Variants in ADAMTS14 observed in about 807,000 individuals in gnomAD.
ADAMTS14 encodes ADAM metallopeptidase with thrombospondin type 1 motif 14.
In ADAMTS14, 100 loss-of-function variants were observed where a neutral mutation model predicts 128.6. The observed-to-expected ratio is 0.78, with a 90% CI of 0.66 to 0.92. ADAMTS14 has a LOEUF of 0.92. Among genes scored for constraint, ADAMTS14 ranks in the 40% least tolerant of loss-of-function variants. The probability of loss-of-function intolerance (pLI) is 0.00; values close to 1 mark genes in which losing one functional copy is unlikely to be tolerated. For synonymous variants in ADAMTS14, 665 were observed against 653.8 expected, an observed-to-expected ratio of 1.02 and a Z score of -0.26; for missense variants, 1,562 against 1,658.6, an observed-to-expected ratio of 0.94 and a Z score of 1.01.
At chr10:70,725,538 T>A (rs919431764) in intron 4 of ADAMTS14, among the ~76,000 whole-genome samples, 1 of 152,146 alleles carries the variant, frequency 6.6e-6, no homozygotes, top group Non-Finnish European at 1.5e-5. Context: ...CACTTTCTGG[T>A]TCATAGATGG....
rs1253902432 is a variant in ADAMTS14 at position 70,743,631 on chromosome 10, C to T, written c.2008C>T (p.Arg670Cys). Reference protein sequence around the residue: ...FMNQVVHDGTRCSYRDPYSVC... With the variant: ...FMNQVVHDGTCCSYRDPYSVC... ...GAACCAGGTGGTTCACGATGGGACA[C>T]GCTGCAGCTACCGGGACCCATACAG... Residue 670 changes from arginine (R) to cysteine (C), a missense_variant, in exon 13 of 22, where the codon CGC becomes TGC. By Grantham distance (180) the Arg-to-Cys change is radical. Coordinates refer to ENST00000373207, the MANE Select transcript of ADAMTS14 (RefSeq NM_080722.4). 1.2e-5 allele frequency: 20 copies of T among 1,611,556 alleles called. No homozygotes were observed. Among genetic ancestry groups the T allele is most frequent in the Non-Finnish European group, 1.6e-5 (19 of 1,179,214 alleles).
intron 12 of ADAMTS14, 96 bp downstream of exon 12, chr10:70,741,258 T>G: frequency 3.5e-6 from 5 of 1,426,730 alleles, no homozygotes; most frequent in Non-Finnish European, 4.7e-6. Flanking sequence ...CATACACCAG[T>G]GAAGGTGGAG....
At chr10:70,744,333 GC>G in intron 14 of ADAMTS14, 144 bp downstream of exon 14, 1 of 1,190,332 alleles carries the variant, frequency 8.4e-7, no homozygotes, top group South Asian at 2.3e-5. Flanking sequence ...TTCCTGGGCT[GC>G]CCAGGCTGGT....
In ADAMTS14 at chr10:70,753,852, G is replaced by A. The variant is rs563924526; in HGVS notation, c.2782G>A (p.Val928Met). ...CAGCCGGAGCTGTGGGAAGCTGGGG[G>A]TGCAGACACGGGGGATACAGTGCCT... ...ACSRSCGKLG[V>M]QTRGIQCLLP... is the part of the protein sequence containing the mutation. Residue 928 changes from valine to methionine, a missense_variant, in exon 19 of 22, where the codon GTG becomes ATG. Coordinates refer to ENST00000373207, the MANE Select transcript of ADAMTS14 (RefSeq NM_080722.4). The A allele has an allele frequency of 1.9e-6, 3 of 1,593,932 alleles. No homozygotes were observed. Among genetic ancestry groups the A allele is most frequent in the Non-Finnish European group, 2.6e-6 (3 of 1,171,544 alleles).
At chr10:70,700,122 C>T (rs1038343616) in intron 2 of ADAMTS14, among the ~76,000 whole-genome samples, 9 of 152,020 alleles carry the variant, frequency 5.9e-5, no homozygotes, top group South Asian at 4.1e-4. Context: ...AGGTGTGTCC[C>T]GGGCCTGGAG....
At chr10:70,734,068 T>A (rs775835713) in intron 8 of ADAMTS14, 40 bp downstream of exon 8, 67 of 1,591,774 alleles carry the variant, frequency 4.2e-5, no homozygotes, top group Non-Finnish European at 5.6e-5. Context: ...TAGGGGAGCA[T>A]GCGACCTGCC....
rs903766256 is a variant in ADAMTS14, at chr10:70,753,457, G to C, written c.2730-343G>C. 4.6e-5 allele frequency among the ~76,000 whole-genome samples: 7 copies of C among 152,206 alleles called. 1 individual carries two copies. The highest frequency in any genetic ancestry group is 1.0e-4 in the Non-Finnish European group (7 of 68,026). On this transcript the variant is annotated intron_variant, in intron 18 of 21. Coordinates refer to ENST00000373207, the MANE Select transcript of ADAMTS14 (RefSeq NM_080722.4). Reference sequence around the variant, plus strand: ...ACCCAGGACAGTGCTTGCGCCAGTGGGCCCTCAAATATGTATGCGGCTTTG... The same window carrying C: ...ACCCAGGACAGTGCTTGCGCCAGTGCGCCCTCAAATATGTATGCGGCTTTG...
rs74797959 is a variant in ADAMTS14 at position 70,702,363 on chromosome 10, C to T, written c.574C>T (p.Arg192Trp). The change falls in exon 3 of 22, where the codon CGG becomes TGG. Residue 192 changes from arginine (R) to tryptophan (W), a missense_variant. Physicochemically the swap from Arg to Trp is moderately radical, Grantham distance 101. Coordinates refer to ENST00000373207, the MANE Select transcript of ADAMTS14 (RefSeq NM_080722.4). ...STDFFIEPLERGQQEKEASGR... is the reference protein window; with the variant it reads ...STDFFIEPLEWGQQEKEASGR... ...CGACTTCTTCATTGAGCCTCTGGAG[C>T]GGGGCCAGCAGGAGAAGGAGGCCAG... The T allele has an allele frequency of 1.9e-3, 3,016 of 1,614,146 alleles. 33 individuals are homozygous for T. The East Asian group carries it at 0.031, about 17-fold the overall frequency.
intron 2 of ADAMTS14, among the ~76,000 whole-genome samples, chr10:70,693,893 C>G (rs1016565253): frequency 6.6e-6 from 1 of 152,206 alleles, no homozygotes; most frequent in South Asian, 2.1e-4. Flanking sequence ...CTTGTTGTGG[C>G]AGCGCTGATG....
intron 2 of ADAMTS14, among the ~76,000 whole-genome samples, chr10:70,682,160 G>A (rs533644635): frequency 3.3e-5 from 5 of 152,342 alleles, no homozygotes; most frequent in South Asian, 4.1e-4. Context: ...CCCTGGGTTG[G>A]AGGGGCAGGA....
intron 11 of ADAMTS14, among the ~76,000 whole-genome samples, chr10:70,740,735 C>T (rs1456551777): frequency 6.6e-6 from 1 of 152,168 alleles, no homozygotes; most frequent in Non-Finnish European, 1.5e-5. Context: ...TACATCTGTC[C>T]GTCACACTCA....
intron 21 of ADAMTS14, 140 bp from the exon 22 acceptor site, chr10:70,760,220 C>A: frequency 1.8e-6 from 2 of 1,141,904 alleles, no homozygotes; most frequent in Non-Finnish European, 2.4e-6. Context: ...TAGCCCCCAC[C>A]CTGAGAAAAA....
chr10:70,723,351 G>A (rs1841329782), intron 4 of ADAMTS14, among the ~76,000 whole-genome samples: 1 of 152,166 alleles, frequency 6.6e-6, no homozygotes, highest in South Asian at 2.1e-4. Context: ...AGGACATTTG[G>A]GGGAAATTAG....
chr10:70,757,141 G>A (rs187996149), intron 19 of ADAMTS14, among the ~76,000 whole-genome samples: 18 of 152,160 alleles, frequency 1.2e-4, no homozygotes, highest in Admixed American at 1.1e-3. Flanking sequence ...ACTGGGCAAC[G>A]CTGCTTTCCT....
intron 6 of ADAMTS14, 152 bp from the exon 7 acceptor site, chr10:70,732,102 C>T: frequency 1.4e-6 from 1 of 711,070 alleles, no homozygotes; most frequent in South Asian, 1.6e-5. Flanking sequence ...GTTTGTTTGG[C>T]TGCAGGTGGG....
chr10:70,672,930 A>C, intron 1 of ADAMTS14, 46 bp downstream of exon 1: 3 of 1,405,728 alleles, frequency 2.1e-6, no homozygotes, highest in Non-Finnish European at 2.8e-6. Context: ...TCCGGGGTGC[A>C]CGCGGTCAGG....
intron 7 of ADAMTS14, among the ~76,000 whole-genome samples, chr10:70,733,335 A>G (rs1302986775): frequency 6.6e-6 from 1 of 152,226 alleles, no homozygotes; most frequent in African/African-American, 2.4e-5. Context: ...AACTCTTATT[A>G]TGGTAGGTGC....
Position 70,738,988 on chromosome 10 carries a change from C to G in ADAMTS14, c.1746C>G (p.Pro582=). 6 of 1,606,532 alleles carry G rather than the reference C, an allele frequency of 3.7e-6. No individual in the cohort carries two copies. Among genetic ancestry groups the G allele is most frequent in the Non-Finnish European group, 5.1e-6 (6 of 1,175,988 alleles). The change falls in exon 11 of 22, where the codon CCC becomes CCG. Residue 582 remains proline (P), a splice_region_variant and synonymous_variant. Coordinates refer to ENST00000373207, the MANE Select transcript of ADAMTS14 (RefSeq NM_080722.4). ...VRSRSRSCNN[P]SPAYGGRLCL... ...CCCGCAGCCGGAGCTGCAACAACCC[C>G]TCGTGAGTGTGCTTGGCTAGGGTGG...
intron 2 of ADAMTS14, among the ~76,000 whole-genome samples, chr10:70,687,870 C>T (rs1414249507): frequency 3.0e-3 from 239 of 80,810 alleles, no homozygotes; most frequent in African/African-American, 0.011. Flanking sequence ...GGGGCTGACC[C>T]CCCCACCTCC....
Sources: allele counts gnomAD v4.1 joint callset (sites outside exome capture counted in the v4.1 genomes callset), GRCh38; gene constraint gnomAD v4.1.1; transcripts MANE v1.5; gene names NCBI Gene and HGNC (gene_info 2026-07-23, HGNC 2026-07-21).